CD163: variants seen among roughly 807,000 people sequenced by gnomAD.
CD163 encodes CD163 molecule, also known as scavenger receptor cysteine-rich type 1 protein M130.
CD163 carries 64 observed loss-of-function variants against 129.2 expected under a neutral mutation model. That is an observed-to-expected ratio of 0.50 (90% confidence interval 0.41 to 0.61). CD163 has a LOEUF of 0.61. Ranked by LOEUF, CD163 falls within the 20% of genes least tolerant of loss-of-function variation. CD163 has a pLI of 0.00. For synonymous variants in CD163, 446 were observed against 478.5 expected, an observed-to-expected ratio of 0.93 and a Z score of 0.89; for missense variants, 1,061 against 1,377.9, an observed-to-expected ratio of 0.77 and a Z score of 3.64.
intron 3 of CD163, among the ~76,000 whole-genome samples, chr12:7,500,001 A>G (rs998850737): frequency 1.3e-5 from 2 of 152,226 alleles, no homozygotes; most frequent in African/African-American, 4.8e-5. Context: ...AATTTATTTC[A>G]GCATTTTTCT....
chr12:7,497,618 A>G (rs973651346), intron 4 of CD163, among the ~76,000 whole-genome samples: 1 of 152,186 alleles, frequency 6.6e-6, no homozygotes, highest in Non-Finnish European at 1.5e-5. Flanking sequence ...GAGCAAAGAG[A>G]AAGGAGGCTT....
chr12:7,488,105 T>A lies in CD163; in HGVS notation c.1421-18A>T. 6.4e-7 allele frequency: 1 copy of A among 1,574,078 alleles called. No homozygotes were observed. Among genetic ancestry groups the A allele is most frequent in the African/African-American group, 1.4e-5 (1 of 73,964 alleles). On this transcript the variant is annotated intron_variant, in intron 6 of 16. Transcript: ENST00000432237. Reference sequence around the variant, plus strand: ...CCTGTGGGCTGAAAAATAAATATTATTTCAGTGAGAGGTAATATGATTTCC... The same window carrying A: ...CCTGTGGGCTGAAAAATAAATATTAATTCAGTGAGAGGTAATATGATTTCC...
rs754864346 is a variant in CD163 at position 7,502,668 on chromosome 12, C to G, written c.47-104G>C. The stretch of plus-strand genomic sequence containing the variant: ...ATTAACAAAGAAGCTCAAACCAAGA[C>G]AGAAAACTCTTCATTCTAAATTGCA... On this transcript the variant is annotated intron_variant, in intron 1 of 16. Transcript: ENST00000432237. 2.0e-5 allele frequency: 14 copies of G among 699,450 alleles called. No individual in the cohort carries two copies. The South Asian group carries it at 2.3e-4, about 11-fold the overall frequency. The allele number at this position is 699,450 out of a possible 1,614,324, so 43.3% of individuals were successfully genotyped here.
intron 6 of CD163, among the ~76,000 whole-genome samples, chr12:7,494,006 T>A (rs751965522): frequency 6.6e-6 from 1 of 152,332 alleles, no homozygotes; most frequent in South Asian, 2.1e-4. Flanking sequence ...GAAATTTTAC[T>A]AAGTGAATAC....
Position 7,487,481 on chromosome 12 carries a change from C to A in CD163, c.1928G>T (p.Gly643Val), listed in dbSNP as rs775108242. 1.9e-5 allele frequency: 31 copies of A among 1,613,980 alleles called. No individual in the cohort carries two copies. The highest frequency in any genetic ancestry group is 2.4e-5 in the Non-Finnish European group (28 of 1,180,012). ...GTGAAACATATGCCTCCAGATCTGA[C>A]CATTTCCTTTTCCAAAACGTGCTCC... Reference protein sequence around the residue: ...PGGARFGKGNGQIWRHMFHCT... With the variant: ...PGGARFGKGNVQIWRHMFHCT... Residue 643 changes from glycine to valine, a missense_variant, in exon 8 of 17, where the codon GGT becomes GTT. By Grantham distance (109) the Gly-to-Val change is moderately radical. Coordinates refer to ENST00000432237, the MANE Select transcript of CD163 (RefSeq NM_203416.4). The surrounding 1 kb of genome is among the most constrained non-coding windows in gnomAD (Gnocchi z 5.1).
At chr12:7,483,077 C>T in intron 12 of CD163, 73 bp from the exon 13 acceptor site, 1 of 1,464,248 alleles carries the variant, frequency 6.8e-7, no homozygotes, top group Non-Finnish European at 9.5e-7. Context: ...ATTTCCTTGT[C>T]TGACCCCTTA....
chr12:7,483,841 A>ATATATATATATATATATAT (rs1442991429), intron 11 of CD163, 166 bp from the exon 12 acceptor site: 1 of 110,030 alleles, frequency 9.1e-6, no homozygotes, highest in African/African-American at 3.8e-5. Context: ...ATATATATAT[A>ATATATATATATATATATAT]TTTTTTTTTT....
chr12:7,488,073 T>G lies in CD163; in HGVS notation c.1435A>C (p.Arg479=). ...CAGGGAATGTCCCCTCCAACCAGTCTGGGTTCCCTGTGGGCTGAAAAATAA... is the reference window on the plus strand; with the variant it reads ...CAGGGAATGTCCCCTCCAACCAGTCGGGGTTCCCTGTGGGCTGAAAAATAA... ...KITCSAHREP[R]LVGGDIPCSG... The change falls in exon 7 of 17, where the codon AGA becomes CGA. Residue 479 remains arginine, a synonymous_variant. Transcript: ENST00000432237. 6.2e-7 allele frequency: 1 copy of G among 1,611,144 alleles called. No individual in the cohort carries two copies. The highest frequency in any genetic ancestry group is 8.5e-7 in the Non-Finnish European group (1 of 1,178,914).
intron 3 of CD163, among the ~76,000 whole-genome samples, chr12:7,500,875 T>G (rs1565409920): frequency 6.6e-6 from 1 of 152,146 alleles, no homozygotes; most frequent in Non-Finnish European, 1.5e-5. Context: ...AATATCAAAT[T>G]TAAACCACCA....
chr12:7,488,513 T>C (rs933472133), intron 6 of CD163, among the ~76,000 whole-genome samples: 1 of 152,228 alleles, frequency 6.6e-6, no homozygotes, highest in Admixed American at 6.5e-5. Context: ...CTTTTCAATA[T>C]ACTTCTAATT....
In CD163 at chr12:7,485,443, T is replaced by G. The variant is rs753432965; in HGVS notation, c.2459-27A>C. 2.1e-5 allele frequency: 33 copies of G among 1,579,824 alleles called. No individual in the cohort carries two copies. The Admixed American group carries it at 5.3e-4, about 26-fold the overall frequency. ...TGCAGCGAAACATAGAATTAGTAGT[T>G]TTGCATCTTTTCTGAAGATTCAGAG... On this transcript the variant is annotated intron_variant, in intron 10 of 16. Coordinates refer to ENST00000432237, the MANE Select transcript of CD163 (RefSeq NM_203416.4). This position sits in a 1 kb window ranked among gnomAD's most constrained non-coding sequence, Gnocchi z 4.5.
At chr12:7,482,810 G>C in intron 13 of CD163, 48 bp from the exon 14 acceptor site, 1 of 1,607,126 alleles carries the variant, frequency 6.2e-7, no homozygotes. Context: ...TTATCGAAAA[G>C]ATCAAGGTCC....
chr12:7,473,761 A>G (rs117748308), intron 16 of CD163, among the ~76,000 whole-genome samples: 23,302 of 152,158 alleles, frequency 0.15, 2,048 homozygotes, highest in Non-Finnish European at 0.2. Flanking sequence ...AATGCCCCCA[A>G]TTAAAAGACA....
At position 7,487,630 on chromosome 12, in the gene CD163, C is replaced by T. The variant is rs150731520; in HGVS notation, c.1779G>A (p.Glu593=). The T allele has an allele frequency of 1.2e-6, 2 of 1,614,046 alleles. No individual in the cohort carries two copies. Among genetic ancestry groups the T allele is most frequent in the Admixed American group, 1.7e-5 (1 of 60,002 alleles). The change falls in exon 8 of 17, where the codon GAG becomes GAA. Residue 593 remains glutamate, a synonymous_variant. Coordinates refer to ENST00000432237, the MANE Select transcript of CD163 (RefSeq NM_203416.4). This position sits in a 1 kb window ranked among gnomAD's most constrained non-coding sequence, Gnocchi z 5.1. Reference sequence around the variant, plus strand: ...CAAGCGTTTTGAGCTCCACTCTGCCCTCACACGGGGTCTTGCCATTCACCA... The same window carrying T: ...CAAGCGTTTTGAGCTCCACTCTGCCTTCACACGGGGTCTTGCCATTCACCA... The part of the protein sequence containing the change: ...IRLVNGKTPC[E]GRVELKTLGA...
intron 1 of CD163, among the ~76,000 whole-genome samples, chr12:7,503,300 A>T (rs528718325): frequency 6.6e-6 from 1 of 152,366 alleles, no homozygotes; most frequent in Admixed American, 6.5e-5. Context: ...CACTTATCAG[A>T]GTAGATAACT....
At position 7,485,057 on chromosome 12, in the gene CD163, T is replaced by G; in HGVS notation, c.2779+39A>C. On this transcript the variant is annotated intron_variant, in intron 11 of 16. Transcript: ENST00000432237. This position sits in a 1 kb window ranked among gnomAD's most constrained non-coding sequence, Gnocchi z 4.5. ...CATTATCAGAAGATGATAGCGGGGCTGCAGAATGGAATTTTCATATAGGTC... is the reference window on the plus strand; with the variant it reads ...CATTATCAGAAGATGATAGCGGGGCGGCAGAATGGAATTTTCATATAGGTC... 6.6e-7 allele frequency: 1 copy of G among 1,511,692 alleles called. No individual in the cohort carries two copies. 93.6% of individuals were successfully genotyped at this position (1,511,692 alleles called of 1,614,324 possible). A position where few individuals can be genotyped will look rare whatever the true frequency, so the allele number is the denominator to read the frequency against.
At chr12:7,482,584 G>T (rs192822513) in intron 14 of CD163, 59 bp downstream of exon 14, 2 of 1,572,386 alleles carry the variant, frequency 1.3e-6, no homozygotes, top group Non-Finnish European at 1.7e-6. Flanking sequence ...TAATATTTTC[G>T]TCTTACAAGA....
chr12:7,502,193 G>C (rs1036445311), intron 2 of CD163, among the ~76,000 whole-genome samples: 1 of 152,022 alleles, frequency 6.6e-6, no homozygotes, highest in African/African-American at 2.4e-5. Flanking sequence ...TGATTCTGAA[G>C]TTTCTCCTCC....
In CD163 at chr12:7,481,256, A is replaced by G; in HGVS notation, c.3248T>C (p.Val1083Ala). The G allele has an allele frequency of 6.2e-7, 1 of 1,612,404 alleles. No individual in the cohort carries two copies. Among genetic ancestry groups the G allele is most frequent in the Non-Finnish European group, 8.5e-7 (1 of 1,178,530 alleles). The change falls in exon 15 of 17, where the codon GTT (valine) becomes GCT (alanine). Residue 1083 changes from valine (V) to alanine (A), a missense_variant and splice_region_variant. By Grantham distance (64) the Val-to-Ala change is moderately conservative. Transcript: ENST00000432237. Reference sequence around the variant, plus strand: ...GACTAAGTTCTCTCCTCTTGAGGAAACTGAAAACAGAGATCCCTAGGTTAG... The same window carrying G: ...GACTAAGTTCTCTCCTCTTGAGGAAGCTGAAAACAGAGATCCCTAGGTTAG... ...KKRRQRQRLA[V>A]SSRGENLVHQ...
Sources: gnomAD v4.1 joint callset for allele counts (sites outside exome capture counted in the v4.1 genomes callset) on GRCh38, gnomAD v4.1.1 for gene constraint, Gnocchi (gnomAD v3.1) non-coding constraint, MANE v1.5 for transcripts, NCBI Gene and HGNC (gene_info 2026-07-23, HGNC 2026-07-21) for gene names.